The following NOL12 variants were observed in gnomAD, a reference collection of about 807,000 sequenced individuals.
NOL12 encodes nucleolar protein 12.
NOL12 carries 21 observed loss-of-function variants against 25.2 expected under a neutral mutation model. That is an observed-to-expected ratio of 0.83 (90% CI 0.59 to 1.20). NOL12 has a LOEUF of 1.20. Ranked by LOEUF, NOL12 falls within the 50% of genes most tolerant of loss-of-function variation. The pLI is 0.00. For missense variants in NOL12, 286 were observed against 287.6 expected (o/e 0.99, Z 0.04); for synonymous variants, 133 against 113.8 (o/e 1.17, Z -1.08).
chr22:37,687,713 C>T lies in NOL12; in HGVS notation c.84-197C>T. The T allele has an allele frequency of 8.8e-6, 4 of 456,926 alleles. No homozygotes were observed. In the South Asian group the frequency reaches 9.1e-5, roughly 10 times the overall value. The allele number at this position is 456,926 out of a possible 1,614,324, so 28.3% of individuals were successfully genotyped here. The stretch of plus-strand genomic sequence containing the variant: ...CGTCATGTGATCTTCCCACCTCGAC[C>T]TTCCAAAGTACTGGGATTACAGGCG... On this transcript the variant is annotated intron_variant, in intron 1 of 5. Transcript: ENST00000359114.
In NOL12 at chr22:37,690,396, G is replaced by T. The variant is rs1394121009; in HGVS notation, c.382-301G>T. Among the ~76,000 whole-genome samples the T allele has an allele frequency of 6.6e-6, 1 of 152,168 alleles. No homozygotes were observed. The highest frequency in any genetic ancestry group is 1.9e-4 in the East Asian group (1 of 5,196). On this transcript the variant is annotated intron_variant, in intron 4 of 5. Coordinates refer to ENST00000359114, the MANE Select transcript of NOL12 (RefSeq NM_024313.3). ...TCTTTCATTTTATGCTCACTATTCT[G>T]CAAGTTCTGATACAAAGACAAGTCT...
chr22:37,689,955 TGAGGTTGG>T (rs1224121984), intron 4 of NOL12, among the ~76,000 whole-genome samples: 1 of 152,280 alleles, frequency 6.6e-6, no homozygotes, highest in Non-Finnish European at 1.5e-5. Context: ...GCGAATCACC[TGAGGTTGG>T]GAGTTCGAGA....
At position 37,692,899 on chromosome 22, in the gene NOL12, GT is replaced by G; in HGVS notation, c.*1564del. ...CATCAAAACCCACTGATGAAGGCTGGTGGGAGTCTGAGGGCTGCACCCGGGT... is the reference window on the plus strand; with the variant it reads ...CATCAAAACCCACTGATGAAGGCTGGGGGAGTCTGAGGGCTGCACCCGGGT... On this transcript the variant is annotated 3_prime_UTR_variant, in exon 6 of 6. Coordinates refer to ENST00000359114, the MANE Select transcript of NOL12 (RefSeq NM_024313.3). 2.5e-6 allele frequency: 1 copy of G among 394,992 alleles called. No homozygotes were observed. The highest frequency in any genetic ancestry group is 6.4e-4 in the Middle Eastern group (1 of 1,572). The allele number at this position is 394,992 out of a possible 1,614,324, so 24.5% of individuals were successfully genotyped here.
chr22:37,688,032 TGGGA>T lies in NOL12; in HGVS notation c.189+24_189+27del. ...CGGGAGGAGGTACGCAGGGGGAAGG[TGGGA>T]GGGAGGTCTTTGATTCTTAGGGCAC... On this transcript the variant is annotated intron_variant, in intron 2 of 5. Transcript: ENST00000359114. 4 of 1,293,546 alleles carry T rather than the reference TGGGA, an allele frequency of 3.1e-6. No individual in the cohort carries two copies. The highest frequency in any genetic ancestry group is 4.4e-6 in the Non-Finnish European group (4 of 915,820). 80.1% of individuals were successfully genotyped at this position (1,293,546 alleles called of 1,614,324 possible).
At chr22:37,687,662 TTGC>T (rs1921880762) in intron 1 of NOL12, 1 of 332,808 alleles carries the variant, frequency 3.0e-6, no homozygotes. Context: ...TTCACCATGT[TTGC>T]CAGGCTGGTC....
intron 5 of NOL12, 124 bp from the exon 6 acceptor site, chr22:37,691,050 G>A (rs1456248781): frequency 4.2e-6 from 5 of 1,184,970 alleles, no homozygotes; most frequent in Non-Finnish European, 6.0e-6. Context: ...GGTAGAGCAG[G>A]CCAACTCTGG....
At chr22:37,686,542 C>G in intron 1 of NOL12, 67 bp downstream of exon 1, 4 of 1,458,742 alleles carry the variant, frequency 2.7e-6, no homozygotes, top group Non-Finnish European at 3.6e-6. Flanking sequence ...GGTCTGGGGC[C>G]GAGCACGCTC....
intron 5 of NOL12, 141 bp downstream of exon 5, chr22:37,690,935 C>T (rs531209960): frequency 4.3e-6 from 3 of 695,916 alleles, no homozygotes; most frequent in East Asian, 2.7e-5. Flanking sequence ...TCCTCATTGC[C>T]CCGTCCTGTC....
intron 5 of NOL12, 144 bp downstream of exon 5, chr22:37,690,938 G>A (rs1922038935): frequency 1.0e-5 from 7 of 690,524 alleles, no homozygotes; most frequent in African/African-American, 3.6e-5. Flanking sequence ...TCATTGCCCC[G>A]TCCTGTCCCA....
intron 5 of NOL12, 30 bp downstream of exon 5, chr22:37,690,824 C>T (rs773855765): frequency 6.6e-7 from 1 of 1,525,504 alleles, no homozygotes; most frequent in Non-Finnish European, 9.1e-7. Context: ...CTCCCCGGTC[C>T]CACCCCTCCT....
chr22:37,688,930 G>T lies in NOL12; in HGVS notation c.319G>T (p.Val107Leu), dbSNP rs768606748. 2.5e-6 allele frequency: 4 copies of T among 1,613,972 alleles called. No individual in the cohort carries two copies. In the East Asian group the frequency reaches 6.7e-5, roughly 27 times the overall value. ...QYDHPNHTVT[V>L]TTISDLDLSG... ...TGACCACCCCAACCACACAGTCACC[G>T]TGACCACCATCAGTGACCTGGACCT... The change falls in exon 4 of 6, where the codon GTG (valine) becomes TTG (leucine). Residue 107 changes from valine to leucine, a missense_variant. By Grantham distance (32) the Val-to-Leu change is conservative. Transcript: ENST00000359114.
At chr22:37,690,992 G>T in intron 5 of NOL12, 182 bp from the exon 6 acceptor site, 1 of 753,842 alleles carries the variant, frequency 1.3e-6, no homozygotes, top group Non-Finnish European at 2.2e-6. Flanking sequence ...TTCGTGCCTG[G>T]GTGAAGGGCC....
At position 37,687,944 on chromosome 22, in the gene NOL12, G is replaced by A. The variant is rs376416869; in HGVS notation, c.118G>A (p.Glu40Lys). 4.4e-5 allele frequency: 70 copies of A among 1,586,144 alleles called. No individual in the cohort carries two copies. Among genetic ancestry groups the A allele is most frequent in the Non-Finnish European group, 5.7e-5 (67 of 1,166,624 alleles). The change falls in exon 2 of 6, where the codon GAG (glutamate) becomes AAG (lysine). Residue 40 changes from glutamate (E) to lysine (K), a missense_variant. Glu to Lys is a moderately conservative substitution (Grantham distance 56). Coordinates refer to ENST00000359114, the MANE Select transcript of NOL12 (RefSeq NM_024313.3). ...YLTGFHKRKVERKKAAIEEIK... is the reference protein window; with the variant it reads ...YLTGFHKRKVKRKKAAIEEIK... The stretch of plus-strand genomic sequence containing the variant: ...GACAGGCTTCCACAAGCGGAAGGTC[G>A]AGCGAAAGAAGGCAGCCATTGAGGA...
chr22:37,689,203 C>A (rs1427448900), intron 4 of NOL12, among the ~76,000 whole-genome samples: 1 of 152,232 alleles, frequency 6.6e-6, no homozygotes, highest in African/African-American at 2.4e-5. Flanking sequence ...CCCTTCATTC[C>A]CTGCTTCCGG....
intron 5 of NOL12, 81 bp from the exon 6 acceptor site, chr22:37,691,093 G>A: frequency 6.7e-7 from 1 of 1,496,446 alleles, no homozygotes; most frequent in East Asian, 2.3e-5. Flanking sequence ...TTCGCAACCT[G>A]TCCTGACATC....
In NOL12 at chr22:37,691,212, G is replaced by T; in HGVS notation, c.518G>T (p.Arg173Leu). ...ACAGCATCACTACATGCACACAGCC[G>T]CAAAAAGGTCAAGAGGAAACATCCC... ...SLTASLHAHS[R>L]KKVKRKHPRR... is the part of the protein sequence containing the mutation. Residue 173 changes from arginine to leucine, a missense_variant, in exon 6 of 6, where the codon CGC (arginine) becomes CTC (leucine). Coordinates refer to ENST00000359114, the MANE Select transcript of NOL12 (RefSeq NM_024313.3). 1.2e-6 allele frequency: 2 copies of T among 1,613,578 alleles called. No homozygotes were observed. The highest frequency in any genetic ancestry group is 1.1e-5 in the South Asian group (1 of 91,022).
chr22:37,686,551 T>A, intron 1 of NOL12, 76 bp downstream of exon 1: 1 of 1,439,720 alleles, frequency 6.9e-7, no homozygotes, highest in East Asian at 2.9e-5. Flanking sequence ...CCGAGCACGC[T>A]CCCGCCGGGG....
At chr22:37,688,250 C>G in intron 2 of NOL12, 62 bp from the exon 3 acceptor site, 1 of 1,559,260 alleles carries the variant, frequency 6.4e-7, no homozygotes. Flanking sequence ...GTGATTAATA[C>G]CCCAGCCTGA....
chr22:37,687,345 C>T (rs965152599), intron 1 of NOL12, among the ~76,000 whole-genome samples: 3 of 147,582 alleles, frequency 2.0e-5, no homozygotes, highest in Non-Finnish European at 4.5e-5. Flanking sequence ...GGCAGTATCT[C>T]CCTTATTTTC....
Sources: allele counts gnomAD v4.1 joint callset (sites outside exome capture counted in the v4.1 genomes callset), GRCh38; gene constraint gnomAD v4.1.1; transcripts MANE v1.5; gene names NCBI Gene and HGNC (gene_info 2026-07-23, HGNC 2026-07-21).